CCM2: variants seen among roughly 807,000 people sequenced by gnomAD.
CCM2 encodes CCM2 scaffold protein.
Under a neutral mutation model 44.9 loss-of-function variants are expected in CCM2, and 25 were observed. That is an observed-to-expected ratio of 0.56 (90% CI 0.41 to 0.78). The LOEUF (loss-of-function observed/expected upper bound fraction) is 0.78. Ranked by LOEUF, CCM2 falls within the 30% of genes least tolerant of loss-of-function variation. The pLI, the probability that CCM2 is intolerant of heterozygous loss-of-function variation, is 0.00. For missense variants in CCM2, 481 were observed against 580.6 expected (o/e 0.83, Z 1.76); for synonymous variants, 219 against 241.1 (o/e 0.91, Z 0.85).
chr7:45,046,946 C>G (rs1375963340), intron 2 of CCM2, among the ~76,000 whole-genome samples: 3 of 152,206 alleles, frequency 2.0e-5, no homozygotes, highest in African/African-American at 4.8e-5. Flanking sequence ...AGAGGATATA[C>G]AGATGGCAGT....
chr7:45,052,321 C>T (rs1328021205), intron 2 of CCM2, among the ~76,000 whole-genome samples: 1 of 152,230 alleles, frequency 6.6e-6, no homozygotes, highest in Non-Finnish European at 1.5e-5. Context: ...AATTGGTATC[C>T]TGCTGGCAGG....
intron 2 of CCM2, among the ~76,000 whole-genome samples, chr7:45,054,904 G>A (rs1798186840): frequency 6.6e-6 from 1 of 152,188 alleles, no homozygotes; most frequent in African/African-American, 2.4e-5. Context: ...TGTCCAGGAG[G>A]CATACATACC....
Position 45,027,804 on chromosome 7 carries a change from G to T in CCM2, c.31-10449G>T, listed in dbSNP as rs1014245661. On this transcript the variant is annotated intron_variant, in intron 1 of 9. Coordinates refer to ENST00000258781, the MANE Select transcript of CCM2 (RefSeq NM_031443.4). ...GTATTCCATGGAGAATGAGGTAGGT[G>T]CAAGTCCAGTGTGGAAAGCGCCATT... 1.1e-5 allele frequency: 18 copies of T among 1,614,072 alleles called. No homozygotes were observed. Among genetic ancestry groups the T allele is most frequent in the Middle Eastern group, 1.7e-4 (1 of 6,056 alleles).
At chr7:45,025,534 CT>C (rs5883920) in intron 1 of CCM2, among the ~76,000 whole-genome samples, 87,210 of 113,098 alleles carry the variant, frequency 0.77, 32,345 homozygotes, top group African/African-American at 0.87. Context: ...CTCTCTTTTT[CT>C]TTTTTTTTTT....
At chr7:45,044,054 C>T (rs769588543) in intron 2 of CCM2, among the ~76,000 whole-genome samples, 45 of 152,186 alleles carry the variant, frequency 3.0e-4, no homozygotes, top group Non-Finnish European at 5.7e-4. Context: ...TCTTGCCTTT[C>T]CAGTGCTTGA....
chr7:45,030,516 G>A (rs1427017585), intron 1 of CCM2, among the ~76,000 whole-genome samples: 1 of 151,964 alleles, frequency 6.6e-6, no homozygotes, highest in Non-Finnish European at 1.5e-5. Context: ...ACTCACTGCA[G>A]CCTCAACCTC....
intron 1 of CCM2, chr7:45,027,043 C>T (rs2128721425): frequency 6.4e-6 from 1 of 155,854 alleles, no homozygotes; most frequent in Non-Finnish European, 1.4e-5. Context: ...TGAGCTTGGC[C>T]AGAGGCACGC....
chr7:45,061,152 C>T (rs1316033165), intron 2 of CCM2, among the ~76,000 whole-genome samples: 4 of 152,178 alleles, frequency 2.6e-5, no homozygotes, highest in African/African-American at 9.7e-5. Flanking sequence ...TATAGGTGTG[C>T]ATCCCTGTTA....
At chr7:45,021,888 T>C (rs955776026) in intron 1 of CCM2, among the ~76,000 whole-genome samples, 1 of 152,232 alleles carries the variant, frequency 6.6e-6, no homozygotes, top group Non-Finnish European at 1.5e-5. Flanking sequence ...ATTAGTGGCA[T>C]GTGAAATCAA....
At chr7:45,012,435 A>G (rs1389474030) in intron 1 of CCM2, among the ~76,000 whole-genome samples, 1 of 152,140 alleles carries the variant, frequency 6.6e-6, no homozygotes, top group African/African-American at 2.4e-5. Context: ...CTCCCAGCCC[A>G]TAATGTCTTG....
At chr7:45,061,456 C>CT (rs57140747) in intron 2 of CCM2, among the ~76,000 whole-genome samples, 3,794 of 122,272 alleles carry the variant, frequency 0.031, 234 homozygotes, top group African/African-American at 0.098. Context: ...TTCTTTCTTT[C>CT]TTTTTTTTTT....
chr7:45,045,217 G>T (rs1228803745), intron 2 of CCM2, among the ~76,000 whole-genome samples: 1 of 152,174 alleles, frequency 6.6e-6, no homozygotes, highest in Non-Finnish European at 1.5e-5. Flanking sequence ...AGTAGTTTGT[G>T]CAGTTTCAGT....
At chr7:45,072,214 T>C in intron 6 of CCM2, 1 of 329,042 alleles carries the variant, frequency 3.0e-6, no homozygotes, top group Admixed American at 4.4e-5. Flanking sequence ...CCAGACCCTT[T>C]GCTGGTCTGA....
intron 1 of CCM2, among the ~76,000 whole-genome samples, chr7:45,034,095 A>G (rs1284132129): frequency 6.6e-6 from 1 of 152,170 alleles, no homozygotes; most frequent in Non-Finnish European, 1.5e-5. Context: ...ATGAAGCCCG[A>G]AAGTGCCTTA....
intron 4 of CCM2, among the ~76,000 whole-genome samples, chr7:45,066,479 T>G (rs1798779426): frequency 6.6e-6 from 1 of 151,996 alleles, no homozygotes; most frequent in Admixed American, 6.5e-5. Flanking sequence ...GCATCCAGAG[T>G]TCTCAGCATA....
chr7:45,044,279 G>C (rs1341933395), intron 2 of CCM2, among the ~76,000 whole-genome samples: 3 of 152,164 alleles, frequency 2.0e-5, no homozygotes, highest in African/African-American at 7.2e-5. Context: ...GACTGCAGAA[G>C]CCTGCCACCA....
At chr7:45,062,559 G>A (rs181619158) in intron 2 of CCM2, among the ~76,000 whole-genome samples, 1 of 152,348 alleles carries the variant, frequency 6.6e-6, no homozygotes, top group Admixed American at 6.5e-5. Context: ...TCTAGGCTGT[G>A]CATGGTGCCT....
Position 45,075,990 on chromosome 7 carries a change from G to A in CCM2, c.1268G>A (p.Arg423His), listed in dbSNP as rs371640199. Residue 423 changes from arginine to histidine, a missense_variant, in exon 10 of 10, where the codon CGC becomes CAC. Transcript: ENST00000258781. ...SAPSEGDEWDRMISDISSDIE... is the reference protein window; with the variant it reads ...SAPSEGDEWDHMISDISSDIE... The stretch of plus-strand genomic sequence containing the variant: ...CCCTCAGAGGGGGATGAGTGGGACC[G>A]CATGATCTCGGACATCAGCAGCGAC... The A allele has an allele frequency of 2.5e-6, 4 of 1,612,976 alleles. No homozygotes were observed. Among genetic ancestry groups the A allele is most frequent in the Admixed American group, 3.3e-5 (2 of 60,000 alleles).
intron 1 of CCM2, among the ~76,000 whole-genome samples, chr7:45,001,647 C>CAGGA (rs1795636218): frequency 6.6e-6 from 1 of 152,146 alleles, no homozygotes; most frequent in South Asian, 2.1e-4. Context: ...GCACCGCTTA[C>CAGGA]AGGAGTACCT....
Sources: gnomAD v4.1 joint callset for allele counts (sites outside exome capture counted in the v4.1 genomes callset) on GRCh38, gnomAD v4.1.1 for gene constraint, MANE v1.5 for transcripts, NCBI Gene and HGNC (gene_info 2026-07-23, HGNC 2026-07-21) for gene names.